Variants in GRM7 observed in about 807,000 individuals in gnomAD.
The protein encoded by GRM7 is glutamate metabotropic receptor 7.
Under a neutral mutation model 84.5 loss-of-function variants are expected in GRM7, and 35 were observed. The observed-to-expected ratio is 0.41, with a 90% CI of 0.32 to 0.55. The LOEUF (loss-of-function observed/expected upper bound fraction) is 0.55, where lower values mean the gene tolerates loss of function less well. Ranked by LOEUF, GRM7 falls within the 20% of genes least tolerant of loss-of-function variation. The pLI is 0.19. For synonymous variants in GRM7, 487 were observed against 455.1 expected (o/e 1.07, Z -0.89); for missense variants, 1,003 against 1,194.6 (o/e 0.84, Z 2.36).
chr3:7,629,832 C>T (rs1697786796), intron 8 of GRM7, among the ~76,000 whole-genome samples: 1 of 152,076 alleles, frequency 6.6e-6, no homozygotes, highest in African/African-American at 2.4e-5. Flanking sequence ...TTAAATCTCC[C>T]AGCCTAGTAC....
intron 2 of GRM7, among the ~76,000 whole-genome samples, chr3:7,182,283 C>A (rs772022954): frequency 4.6e-5 from 7 of 152,122 alleles, no homozygotes; most frequent in Non-Finnish European, 1.0e-4. Flanking sequence ...TAGCCTTAAG[C>A]ATTTCACTCA....
At chr3:7,521,670 C>T (rs1286372013) in intron 7 of GRM7, among the ~76,000 whole-genome samples, 1 of 152,158 alleles carries the variant, frequency 6.6e-6, no homozygotes, top group Admixed American at 6.6e-5. Flanking sequence ...ACATGACATA[C>T]TGGAGATGTA....
chr3:7,496,553 A>G (rs1055543862), intron 7 of GRM7, among the ~76,000 whole-genome samples: 1 of 152,222 alleles, frequency 6.6e-6, no homozygotes, highest in African/African-American at 2.4e-5. Flanking sequence ...ATTAGATCTT[A>G]TAATGAAAAA....
At chr3:7,282,221 A>G (rs901688337) in intron 2 of GRM7, among the ~76,000 whole-genome samples, 2 of 152,244 alleles carry the variant, frequency 1.3e-5, no homozygotes, top group African/African-American at 4.8e-5. Flanking sequence ...ACTTACAATC[A>G]ATGGCTTAAA....
At chr3:7,211,370 A>G (rs572457282) in intron 2 of GRM7, among the ~76,000 whole-genome samples, 5 of 152,292 alleles carry the variant, frequency 3.3e-5, no homozygotes, top group African/African-American at 1.2e-4. Context: ...TGTACCTTTA[A>G]TAGCACCCTC....
intron 2 of GRM7, among the ~76,000 whole-genome samples, chr3:7,204,318 T>A (rs1208333925): frequency 6.6e-6 from 1 of 152,202 alleles, no homozygotes; most frequent in Non-Finnish European, 1.5e-5. Flanking sequence ...ACTGAGATTA[T>A]CTCTTCCAGA....
At chr3:7,460,099 T>TAAAAAAAAAAAAAA (rs71066013) in intron 6 of GRM7, among the ~76,000 whole-genome samples, 40 of 49,548 alleles carry the variant, frequency 8.1e-4, no homozygotes, top group South Asian at 1.3e-3. Flanking sequence ...CTTAAAATAG[T>TAAAAAAAAAAAAAA]AAAAAAAAAA....
chr3:7,149,218 A>G (rs1182458973), intron 2 of GRM7, among the ~76,000 whole-genome samples: 3 of 152,108 alleles, frequency 2.0e-5, no homozygotes, highest in Admixed American at 6.6e-5. Context: ...ATTAGCTTAA[A>G]TGGTGTGGAG....
At chr3:7,094,507 C>T (rs917302648) in intron 1 of GRM7, among the ~76,000 whole-genome samples, 2 of 152,158 alleles carry the variant, frequency 1.3e-5, no homozygotes, top group Non-Finnish European at 2.9e-5. Flanking sequence ...TAAGTAACAG[C>T]AAAACTGGGC....
At chr3:7,381,910 ACT>A (rs1056525597) in intron 4 of GRM7, among the ~76,000 whole-genome samples, 3 of 152,086 alleles carry the variant, frequency 2.0e-5, no homozygotes, top group African/African-American at 7.2e-5. Context: ...TTAGGCAAAC[ACT>A]CTCACACACC....
At chr3:7,541,963 T>C (rs1692905726) in intron 7 of GRM7, among the ~76,000 whole-genome samples, 1 of 152,088 alleles carries the variant, frequency 6.6e-6, no homozygotes. Context: ...TGGCTGAAAA[T>C]CCTTGGCATT....
chr3:7,608,544 A>G (rs1178834437), intron 8 of GRM7, among the ~76,000 whole-genome samples: 4 of 152,008 alleles, frequency 2.6e-5, no homozygotes, highest in Non-Finnish European at 5.9e-5. Flanking sequence ...GTGTCTGTTC[A>G]TGTCCTTTGT....
chr3:7,245,311 A>T (rs1697717342), intron 2 of GRM7, among the ~76,000 whole-genome samples: 1 of 152,026 alleles, frequency 6.6e-6, no homozygotes, highest in African/African-American at 2.4e-5. Flanking sequence ...AGCCAAACGA[A>T]TCTCAGGCAG....
intron 2 of GRM7, among the ~76,000 whole-genome samples, chr3:7,286,052 G>C (rs1009427579): frequency 2.6e-5 from 4 of 152,166 alleles, no homozygotes; most frequent in African/African-American, 9.7e-5. Context: ...TAGCAACCCA[G>C]CTATGATCCT....
At chr3:7,424,072 T>C (rs1696505665) in intron 5 of GRM7, among the ~76,000 whole-genome samples, 1 of 152,252 alleles carries the variant, frequency 6.6e-6, no homozygotes, top group African/African-American at 2.4e-5. Flanking sequence ...TTTCTGTTAC[T>C]GTGTCACCAT....
chr3:7,555,450 G>A (rs1379668394), intron 7 of GRM7, among the ~76,000 whole-genome samples: 1 of 152,082 alleles, frequency 6.6e-6, no homozygotes, highest in East Asian at 1.9e-4. Context: ...GACTCCAATG[G>A]GGTAGATACA....
intron 1 of GRM7, among the ~76,000 whole-genome samples, chr3:6,891,639 G>A (rs1374700427): frequency 6.6e-6 from 1 of 152,118 alleles, no homozygotes; most frequent in Admixed American, 6.6e-5. Context: ...TGGGTAACCC[G>A]ACCTTTCTCT....
chr3:6,901,671 AT>A (rs1313635395), intron 1 of GRM7, among the ~76,000 whole-genome samples: 1 of 135,732 alleles, frequency 7.4e-6, no homozygotes, highest in Non-Finnish European at 1.6e-5. Context: ...AAATCTTTTC[AT>A]TTTTTTCTTT....
chr3:7,271,732 T>C (rs1360805084), intron 2 of GRM7, among the ~76,000 whole-genome samples: 4 of 152,244 alleles, frequency 2.6e-5, no homozygotes, highest in African/African-American at 4.8e-5. Context: ...CTGATATCTT[T>C]GGATTAAAAA....
Sources: gnomAD v4.1 joint callset for allele counts (sites outside exome capture counted in the v4.1 genomes callset) on GRCh38, gnomAD v4.1.1 for gene constraint, MANE v1.5 for transcripts, NCBI Gene and HGNC (gene_info 2026-07-23, HGNC 2026-07-21) for gene names.